Variants in TOX3 observed in about 807,000 individuals in gnomAD.
TOX3 encodes the protein TOX high mobility group box family member 3.
A neutral mutation model predicts 64.3 loss-of-function variants in TOX3; 22 were observed. That is an observed-to-expected ratio of 0.34 (90% CI 0.24 to 0.49). TOX3 has a LOEUF of 0.49. Among genes scored for constraint, TOX3 ranks in the 20% least tolerant of loss-of-function variants. The probability of loss-of-function intolerance (pLI) is 0.99; values close to 1 mark genes in which losing one functional copy is unlikely to be tolerated. For synonymous variants in TOX3, 291 were observed against 273.6 expected, an observed-to-expected ratio of 1.06 and a Z score of -0.63; for missense variants, 661 against 714.4, an observed-to-expected ratio of 0.93 and a Z score of 0.85.
At chr16:52,521,380 T>C (rs1210262699) in intron 1 of TOX3, among the ~76,000 whole-genome samples, 1 of 152,176 alleles carries the variant, frequency 6.6e-6, no homozygotes, top group African/African-American at 2.4e-5. Flanking sequence ...TGTTTGCTCA[T>C]GTCCCTGGCC....
chr16:52,519,263 C>T (rs1472023023), intron 1 of TOX3: 4 of 803,596 alleles, frequency 5.0e-6, no homozygotes, highest in Admixed American at 5.9e-5. Flanking sequence ...TGAATCTACA[C>T]CTCATTATTC....
chr16:52,545,676 A>T (rs538022066), intron 1 of TOX3, among the ~76,000 whole-genome samples: 1 of 152,214 alleles, frequency 6.6e-6, no homozygotes, highest in African/African-American at 2.4e-5. Context: ...GGCACAGGCC[A>T]TTCAGAGCCC....
intron 1 of TOX3, among the ~76,000 whole-genome samples, chr16:52,526,708 G>A (rs146194917): frequency 2.9e-3 from 441 of 152,234 alleles, no homozygotes; most frequent in African/African-American, 1.0e-2. Flanking sequence ...GAGAGAAGAG[G>A]GTCACAGTGA....
In TOX3 at chr16:52,505,023, C is replaced by T. The variant is rs559163954; in HGVS notation, c.88-36449G>A. On this transcript the variant is annotated intron_variant, in intron 1 of 6. Coordinates refer to ENST00000219746, the MANE Select transcript of TOX3 (RefSeq NM_001080430.4). ...CTAATTTTTGTATTTTTAGTAGAGA[C>T]GGGTTTCACCATGTTGGCCAGGCTG... Among the ~76,000 whole-genome samples, 5 of 152,102 alleles carry T rather than the reference C, an allele frequency of 3.3e-5. No individual in the cohort carries two copies. In the East Asian group the frequency reaches 7.8e-4, roughly 24 times the overall value.
intron 1 of TOX3, among the ~76,000 whole-genome samples, chr16:52,532,520 C>A (rs1479526861): frequency 6.6e-6 from 1 of 152,238 alleles, no homozygotes; most frequent in East Asian, 1.9e-4. Context: ...CAGTTGACTG[C>A]AAACACATAA....
intron 1 of TOX3, among the ~76,000 whole-genome samples, chr16:52,484,432 GA>G (rs929859668): frequency 2.0e-5 from 3 of 151,938 alleles, no homozygotes; most frequent in African/African-American, 7.2e-5. Flanking sequence ...TCTGCAATCA[GA>G]AAAAAAGTAT....
chr16:52,546,518 A>G (rs2151494334), intron 1 of TOX3, 119 bp downstream of exon 1: 1 of 880,122 alleles, frequency 1.1e-6, no homozygotes, highest in Non-Finnish European at 1.7e-6. Flanking sequence ...CAAAGGTAGA[A>G]GAGACATGGG....
In TOX3 at chr16:52,439,013, G is replaced by T. The variant is rs775454139; in HGVS notation, c.*212C>A. ...CACATAAAAGAGCACAGCTTTTCTT[G>T]TTTAAAAACAAAGTGATTTATAGTC... is the stretch of plus-strand genomic sequence containing the variant. On this transcript the variant is annotated 3_prime_UTR_variant, in exon 7 of 7. Transcript: ENST00000219746. The T allele has an allele frequency of 6.5e-6, 5 of 770,820 alleles. No homozygotes were observed. In the South Asian group the frequency reaches 7.1e-5, roughly 11 times the overall value. 47.7% of individuals were successfully genotyped at this position (770,820 alleles called of 1,614,324 possible).
intron 1 of TOX3, among the ~76,000 whole-genome samples, chr16:52,545,570 T>C (rs1386256996): frequency 1.3e-5 from 2 of 152,198 alleles, no homozygotes. Flanking sequence ...TATTTCCTCC[T>C]GTTATCCAAG....
At chr16:52,534,008 T>C (rs1962900354) in intron 1 of TOX3, among the ~76,000 whole-genome samples, 1 of 152,168 alleles carries the variant, frequency 6.6e-6, no homozygotes, top group African/African-American at 2.4e-5. Flanking sequence ...AGGCAGATAA[T>C]ATCAAATTCT....
At chr16:52,529,989 C>T (rs1021787715) in intron 1 of TOX3, among the ~76,000 whole-genome samples, 1 of 152,196 alleles carries the variant, frequency 6.6e-6, no homozygotes, top group South Asian at 2.1e-4. Flanking sequence ...CGTGAGCATT[C>T]AGCTCTCTCA....
chr16:52,494,665 A>G (rs1431883465), intron 1 of TOX3, among the ~76,000 whole-genome samples: 1 of 152,194 alleles, frequency 6.6e-6, no homozygotes, highest in Non-Finnish European at 1.5e-5. Context: ...TCCACTCAAG[A>G]TCATCCTCTC....
intron 1 of TOX3, among the ~76,000 whole-genome samples, chr16:52,533,290 A>G (rs990584676): frequency 6.6e-6 from 1 of 152,178 alleles, no homozygotes; most frequent in Non-Finnish European, 1.5e-5. Context: ...CAGACCCACT[A>G]CCTGTCTTTT....
chr16:52,485,333 C>A (rs999899793), intron 1 of TOX3, among the ~76,000 whole-genome samples: 10 of 149,016 alleles, frequency 6.7e-5, no homozygotes, highest in African/African-American at 2.5e-4. Flanking sequence ...TTCTTTGCAG[C>A]AACATAGATA....
chr16:52,511,351 C>T (rs770793454), intron 1 of TOX3, among the ~76,000 whole-genome samples: 3 of 151,904 alleles, frequency 2.0e-5, no homozygotes, highest in Non-Finnish European at 2.9e-5. Context: ...AATTAGCTGG[C>T]TGTGGTGGCA....
rs1057409379 is a variant in TOX3 at position 52,538,527 on chromosome 16, C to T, written c.87+8110G>A. ...CTTTGACATAATTCTTCTGCATAAA[C>T]AATTTAGTCAATGTAGATAAGGCTA... is the stretch of plus-strand genomic sequence containing the variant. On this transcript the variant is annotated intron_variant, in intron 1 of 6. Transcript: ENST00000219746. 3.3e-5 allele frequency among the ~76,000 whole-genome samples: 5 copies of T among 152,106 alleles called. No individual in the cohort carries two copies. The East Asian group carries it at 7.7e-4, about 23-fold the overall frequency.
At chr16:52,444,187 A>T in intron 6 of TOX3, 89 bp downstream of exon 6, 1 of 984,326 alleles carries the variant, frequency 1.0e-6, no homozygotes, top group Non-Finnish European at 1.4e-6. Context: ...ATCAACTTTT[A>T]GGGGAGCTAC....
At chr16:52,452,502 G>A (rs966334074) in intron 3 of TOX3, among the ~76,000 whole-genome samples, 6 of 150,452 alleles carry the variant, frequency 4.0e-5, no homozygotes, top group Non-Finnish European at 5.9e-5. Context: ...GGACATTTGG[G>A]TTGGTTCCAA....
chr16:52,464,317 T>C (rs993677110), intron 2 of TOX3, 129 bp from the exon 3 acceptor site: 57 of 1,049,836 alleles, frequency 5.4e-5, no homozygotes, highest in South Asian at 3.4e-4. Context: ...ATTTCTCAAA[T>C]GAAAATATCT....
Sources: gnomAD v4.1 joint callset for allele counts (sites outside exome capture counted in the v4.1 genomes callset) on GRCh38, gnomAD v4.1.1 for gene constraint, MANE v1.5 for transcripts, NCBI Gene and HGNC (gene_info 2026-07-23, HGNC 2026-07-21) for gene names.